GPR180: variants seen among roughly 807,000 people sequenced by gnomAD.
GPR180 encodes the protein G protein-coupled receptor 180.
GPR180 carries 53 observed loss-of-function variants against 52.6 expected under a neutral mutation model. The observed-to-expected ratio is 1.01, with a 90% CI of 0.81 to 1.27. GPR180 has a LOEUF of 1.27. GPR180 is among the 50% of genes most tolerant of loss of function. The pLI is 0.00. For missense variants in GPR180, 533 were observed against 527.0 expected (o/e 1.01, Z -0.11); for synonymous variants, 200 against 193.1 (o/e 1.04, Z -0.30).
At position 94,630,025 on chromosome 13, in the gene GPR180, T is replaced by C. The variant is rs1385581858; in HGVS notation, c.*2854T>C. On this transcript the variant is annotated 3_prime_UTR_variant, in exon 9 of 9. Coordinates refer to ENST00000376958, the MANE Select transcript of GPR180 (RefSeq NM_180989.6). ...AAATAGCTTCTGTGGTATCAAATCATTGAGGTTGTTTTTTGTTTGTTTTGA... is the reference window on the plus strand; with the variant it reads ...AAATAGCTTCTGTGGTATCAAATCACTGAGGTTGTTTTTTGTTTGTTTTGA... 1.3e-5 allele frequency: 2 copies of C among 152,220 alleles called. No homozygotes were observed. The highest frequency in any genetic ancestry group is 2.9e-5 in the Non-Finnish European group (2 of 68,038). The allele number at this position is 152,220 out of a possible 1,614,324, so 9.4% of individuals were successfully genotyped here.
At chr13:94,608,136 A>G (rs1001251834) in intron 2 of GPR180, among the ~76,000 whole-genome samples, 2 of 152,220 alleles carry the variant, frequency 1.3e-5, no homozygotes, top group African/African-American at 4.8e-5. Context: ...TTCTGTATAC[A>G]GGGAGACAGT....
intron 1 of GPR180, among the ~76,000 whole-genome samples, chr13:94,603,454 T>C (rs2139562141): frequency 6.6e-6 from 1 of 152,304 alleles, no homozygotes; most frequent in African/African-American, 2.4e-5. Flanking sequence ...GGGGATAAGG[T>C]GTTTCAAGTG....
At chr13:94,620,987 TAA>T (rs543670651) in intron 5 of GPR180, 89 bp from the exon 6 acceptor site, 1,413 of 1,004,032 alleles carry the variant, frequency 1.4e-3, no homozygotes, top group South Asian at 2.2e-3. Context: ...TGGTTTTTCT[TAA>T]AAAAAAAAAA....
At chr13:94,602,668 A>G (rs1165978826) in intron 1 of GPR180, among the ~76,000 whole-genome samples, 2 of 152,106 alleles carry the variant, frequency 1.3e-5, no homozygotes, top group African/African-American at 2.4e-5. Flanking sequence ...AAATGCATTT[A>G]AGTAGCATCT....
chr13:94,615,881 A>C (rs1024052831), intron 3 of GPR180, among the ~76,000 whole-genome samples: 3 of 152,198 alleles, frequency 2.0e-5, no homozygotes. Flanking sequence ...TAGCTTCAGT[A>C]ATGTGTTGCT....
chr13:94,625,475 A>G (rs1024407151), intron 7 of GPR180, among the ~76,000 whole-genome samples: 2 of 152,192 alleles, frequency 1.3e-5, no homozygotes, highest in African/African-American at 2.4e-5. Context: ...AAGGAAGAAT[A>G]GAAAAATATT....
At chr13:94,616,665 T>C (rs922813743) in intron 3 of GPR180, among the ~76,000 whole-genome samples, 5 of 152,266 alleles carry the variant, frequency 3.3e-5, no homozygotes, top group Non-Finnish European at 7.3e-5. Context: ...ATGTGTATTA[T>C]TAAGTCTTAA....
intron 3 of GPR180, among the ~76,000 whole-genome samples, chr13:94,612,881 T>G (rs116183339): frequency 0.35 from 52,469 of 151,822 alleles, 10,577 homozygotes; most frequent in African/African-American, 0.55. Context: ...TACTAGCTTG[T>G]TTGAACAGAT....
At chr13:94,625,560 G>A (rs1194659385) in intron 7 of GPR180, among the ~76,000 whole-genome samples, 2 of 152,088 alleles carry the variant, frequency 1.3e-5, no homozygotes, top group South Asian at 2.1e-4. Flanking sequence ...AACAGGTAAC[G>A]ACTATTAATG....
At chr13:94,617,829 A>G (rs1889797724) in intron 3 of GPR180, among the ~76,000 whole-genome samples, 1 of 152,204 alleles carries the variant, frequency 6.6e-6, no homozygotes. Context: ...CTCTATTCAC[A>G]CCACTGTTAG....
In GPR180 at chr13:94,627,352, G is replaced by T; in HGVS notation, c.*181G>T. 2.0e-6 allele frequency: 1 copy of T among 496,590 alleles called. No homozygotes were observed. Among genetic ancestry groups the T allele is most frequent in the Non-Finnish European group, 3.5e-6 (1 of 288,512 alleles). 30.8% of individuals were successfully genotyped at this position (496,590 alleles called of 1,614,324 possible). The stretch of plus-strand genomic sequence containing the variant: ...TGAAAAAAAAGGTAATAAATGAAAT[G>T]TTTTGAAATATACTTAAACAACAAA... On this transcript the variant is annotated 3_prime_UTR_variant, in exon 9 of 9. Transcript: ENST00000376958.
At chr13:94,615,861 A>G (rs1320644923) in intron 3 of GPR180, among the ~76,000 whole-genome samples, 2 of 152,192 alleles carry the variant, frequency 1.3e-5, no homozygotes, top group African/African-American at 4.8e-5. Context: ...AATGGGTTGG[A>G]TCTTCCATTT....
At chr13:94,622,640 T>C (rs1889866154) in intron 6 of GPR180, among the ~76,000 whole-genome samples, 1 of 152,162 alleles carries the variant, frequency 6.6e-6, no homozygotes, top group Non-Finnish European at 1.5e-5. Context: ...GAAATGTTGG[T>C]TAAGAAATCA....
intron 1 of GPR180, among the ~76,000 whole-genome samples, chr13:94,604,767 G>A (rs1889607976): frequency 6.6e-6 from 1 of 151,670 alleles, no homozygotes; most frequent in Non-Finnish European, 1.5e-5. Context: ...AATAGCAACA[G>A]GATCTCACTT....
chr13:94,612,178 T>G lies in GPR180; in HGVS notation c.305-12T>G, dbSNP rs774589604. The stretch of plus-strand genomic sequence containing the variant: ...AATTTTGTTACAAAAGGTGTTTTCT[T>G]TCTCTTTAAAGTGACCATGAACCAG... On this transcript the variant is annotated splice_polypyrimidine_tract_variant and intron_variant, in intron 2 of 8. Coordinates refer to ENST00000376958, the MANE Select transcript of GPR180 (RefSeq NM_180989.6). The G allele has an allele frequency of 6.2e-7, 1 of 1,609,102 alleles. No individual in the cohort carries two copies.
chr13:94,624,777 T>C (rs764013794), intron 7 of GPR180, among the ~76,000 whole-genome samples: 10 of 152,060 alleles, frequency 6.6e-5, no homozygotes, highest in South Asian at 4.1e-4. Flanking sequence ...CTCCTGACCT[T>C]GTGATATGCC....
Position 94,601,903 on chromosome 13 carries a change from C to T in GPR180, c.-25C>T, listed in dbSNP as rs757708420. On this transcript the variant is annotated 5_prime_UTR_variant, in exon 1 of 9. Transcript: ENST00000376958. ...AGCCGCCGGCGGCTGGGAGCCGAGG[C>T]GTCGGTGCAGACCTGGAGACGGGCA... 10 of 1,402,360 alleles carry T rather than the reference C, an allele frequency of 7.1e-6. No individual in the cohort carries two copies. The highest frequency in any genetic ancestry group is 3.1e-5 in the Admixed American group (1 of 32,254). 86.9% of individuals were successfully genotyped at this position (1,402,360 alleles called of 1,614,324 possible).
rs147245666 is a variant in GPR180 at position 94,614,228 on chromosome 13, G to A, written c.505+1838G>A. On this transcript the variant is annotated intron_variant, in intron 3 of 8. Coordinates refer to ENST00000376958, the MANE Select transcript of GPR180 (RefSeq NM_180989.6). ...TCATATGACCCTTATTTTTAGGACT[G>A]GTCAAGGCTCACTAGGAAGTAATGT... is the stretch of plus-strand genomic sequence containing the variant. Among the ~76,000 whole-genome samples, 122 of 152,274 alleles carry A rather than the reference G, an allele frequency of 8.0e-4. 1 individual carries two copies. Among genetic ancestry groups the A allele is most frequent in the African/African-American group, 2.8e-3 (117 of 41,560 alleles).
At chr13:94,614,865 C>T (rs773311349) in intron 3 of GPR180, among the ~76,000 whole-genome samples, 1 of 152,208 alleles carries the variant, frequency 6.6e-6, no homozygotes, top group Non-Finnish European at 1.5e-5. Context: ...GCAAGGCTTA[C>T]CTTCGGGGAT....
Sources: allele counts gnomAD v4.1 joint callset (sites outside exome capture counted in the v4.1 genomes callset), GRCh38; gene constraint gnomAD v4.1.1; transcripts MANE v1.5; gene names NCBI Gene and HGNC (gene_info 2026-07-23, HGNC 2026-07-21).